Variants in PCDHA6 observed in about 807,000 individuals in gnomAD.
PCDHA6 encodes the protein protocadherin alpha-6.
Under a neutral mutation model 60.3 loss-of-function variants are expected in PCDHA6, and 55 were observed. The observed-to-expected ratio is 0.91, with a 90% confidence interval of 0.73 to 1.14. PCDHA6 has a LOEUF of 1.14. Among genes scored for constraint, PCDHA6 ranks in the 50% most tolerant of loss-of-function variants. The pLI is 0.00. For synonymous variants in PCDHA6, 652 were observed against 557.9 expected (o/e 1.17, Z -2.38); for missense variants, 1,327 against 1,256.5 (o/e 1.06, Z -0.85).
rs2043467325 is a variant in PCDHA6 at position 140,855,436 on chromosome 5, G to C, written c.2394+24951G>C. Among the ~76,000 whole-genome samples the C allele has an allele frequency of 2.7e-5, 4 of 149,868 alleles. No homozygotes were observed. In the South Asian group the frequency reaches 8.4e-4, roughly 32 times the overall value. ...GATCTCTAAATTCTAGTGATGACTA[G>C]ATCTTCGGAGTTATAAACACCTCAC... On this transcript the variant is annotated intron_variant, in intron 1 of 3. Transcript: ENST00000529310.
At chr5:140,888,488 C>T (rs1257053839) in intron 1 of PCDHA6, among the ~76,000 whole-genome samples, 2 of 152,204 alleles carry the variant, frequency 1.3e-5, no homozygotes, top group African/African-American at 2.4e-5. Context: ...TGTTGAGAAA[C>T]TCTGCTTTAA....
intron 1 of PCDHA6, chr5:140,867,266 A>G (rs553827522): frequency 2.6e-5 from 4 of 152,196 alleles, no homozygotes; most frequent in African/African-American, 9.6e-5. Flanking sequence ...CTTTTGTTCA[A>G]AATAAACCTG....
intron 1 of PCDHA6, among the ~76,000 whole-genome samples, chr5:140,949,557 T>C (rs955949496): frequency 6.6e-6 from 1 of 151,888 alleles, no homozygotes; most frequent in Non-Finnish European, 1.5e-5. Flanking sequence ...CTGGTCATAC[T>C]TTTTTTCTTG....
chr5:140,843,381 T>C, intron 1 of PCDHA6: 1 of 1,596,090 alleles, frequency 6.3e-7, no homozygotes. Flanking sequence ...GCTGGCGTTT[T>C]GGGTCCGGAA....
At chr5:140,851,728 C>A in intron 1 of PCDHA6, 1 of 969,738 alleles carries the variant, frequency 1.0e-6, no homozygotes, top group Non-Finnish European at 1.2e-6. Context: ...ACTTCGAGTT[C>A]TTTTGAAATT....
intron 1 of PCDHA6, among the ~76,000 whole-genome samples, chr5:140,954,517 A>G (rs1554221451): frequency 6.6e-6 from 1 of 152,182 alleles, no homozygotes; most frequent in Non-Finnish European, 1.5e-5. Flanking sequence ...TTACCTAATG[A>G]TCAGTGATGT....
intron 1 of PCDHA6, among the ~76,000 whole-genome samples, chr5:140,907,595 A>C (rs1278261727): frequency 6.6e-6 from 1 of 152,198 alleles, no homozygotes; most frequent in African/African-American, 2.4e-5. Flanking sequence ...GATCACCCTG[A>C]GGAATGGTGC....
chr5:140,896,735 T>C (rs930657295), intron 1 of PCDHA6, among the ~76,000 whole-genome samples: 8 of 152,166 alleles, frequency 5.3e-5, no homozygotes, highest in Non-Finnish European at 4.4e-5. Context: ...TTTAAGTTCC[T>C]TATAGATTCT....
chr5:140,925,048 C>A (rs574148178), intron 1 of PCDHA6, among the ~76,000 whole-genome samples: 1 of 150,658 alleles, frequency 6.6e-6, no homozygotes, highest in South Asian at 2.1e-4. Flanking sequence ...AAGTTTGAGA[C>A]CAGACTGGGC....
chr5:140,851,492 T>C, intron 1 of PCDHA6: 2 of 896,256 alleles, frequency 2.2e-6, no homozygotes, highest in Non-Finnish European at 2.7e-6. Context: ...ACAGCCTTCA[T>C]TTCAACTTAT....
rs147892853 is a variant in PCDHA6 at position 140,979,173 on chromosome 5, C to A, written c.2453+166C>A. ...CCCATGTTTATTCCTTGAAAGATCG[C>A]AAATGGTCAGTGCCAGATGCTTATC... On this transcript the variant is annotated intron_variant, in intron 2 of 3. Transcript: ENST00000529310. The A allele has an allele frequency of 5.2e-6, 5 of 958,838 alleles. No individual in the cohort carries two copies. The Admixed American group carries it at 3.1e-4, about 59-fold the overall frequency. 59.4% of individuals were successfully genotyped at this position (958,838 alleles called of 1,614,324 possible).
chr5:140,926,793 G>T (rs2083556626), intron 1 of PCDHA6: 2 of 1,444,034 alleles, frequency 1.4e-6, no homozygotes, highest in Admixed American at 5.5e-5. Flanking sequence ...CGGCAGGAGC[G>T]TGCTCTTCCC....
intron 1 of PCDHA6, chr5:140,850,088 A>G (rs2150466412): frequency 3.0e-5 from 48 of 1,596,270 alleles, no homozygotes; most frequent in South Asian, 6.6e-5. Context: ...TGGAGCTGCT[A>G]CAGTTCCAGG....
At chr5:140,834,320 A>G (rs1772901114) in intron 1 of PCDHA6, 1 of 1,428,046 alleles carries the variant, frequency 7.0e-7, no homozygotes, top group African/African-American at 1.4e-5. Context: ...ATGAAGGGAT[A>G]AAAACATTCC....
At chr5:140,897,543 C>A (rs1325895994) in intron 1 of PCDHA6, among the ~76,000 whole-genome samples, 2 of 152,044 alleles carry the variant, frequency 1.3e-5, no homozygotes, top group African/African-American at 4.8e-5. Flanking sequence ...GCTGCATAGT[C>A]TTCCATGGTG....
chr5:140,895,995 G>A (rs2065293379), intron 1 of PCDHA6, among the ~76,000 whole-genome samples: 1 of 152,058 alleles, frequency 6.6e-6, no homozygotes, highest in Non-Finnish European at 1.5e-5. Flanking sequence ...ATTTTAAGTA[G>A]AGACAGGGTT....
At chr5:140,864,854 A>T (rs1554159169) in intron 1 of PCDHA6, 1 of 152,178 alleles carries the variant, frequency 6.6e-6, no homozygotes, top group Non-Finnish European at 1.5e-5. Context: ...CCCATACATG[A>T]TGAAGGGTGA....
At position 140,828,512 on chromosome 5, in the gene PCDHA6, C is replaced by A; in HGVS notation, c.421C>A (p.Leu141Met). 1.2e-6 allele frequency: 2 copies of A among 1,614,238 alleles called. No homozygotes were observed. Among genetic ancestry groups the A allele is most frequent in the East Asian group, 2.2e-5 (1 of 44,890 alleles). The stretch of plus-strand genomic sequence containing the variant: ...GTTCCCGGTAGAGGAACAAAGAGTG[C>A]TGATTTACGAATCTAGGCTGCCAGA... ...PLFPVEEQRV[L>M]IYESRLPDSV... The change falls in exon 1 of 4, where the codon CTG becomes ATG. Residue 141 changes from leucine (L) to methionine (M), a missense_variant. Transcript: ENST00000529310.
At chr5:140,863,397 C>T in intron 1 of PCDHA6, 1 of 873,170 alleles carries the variant, frequency 1.1e-6, no homozygotes, top group Admixed American at 1.9e-5. Flanking sequence ...GCATGCCGGG[C>T]AAGCCCACGC....
Sources: gnomAD v4.1 joint callset for allele counts (sites outside exome capture counted in the v4.1 genomes callset) on GRCh38, gnomAD v4.1.1 for gene constraint, MANE v1.5 for transcripts, NCBI Gene and HGNC (gene_info 2026-07-23, HGNC 2026-07-21) for gene names.